Variants in CMC1 observed in about 807,000 individuals in gnomAD.
The protein encoded by CMC1 is COX assembly mitochondrial protein homolog.
In CMC1, 14 loss-of-function variants were observed where a neutral mutation model predicts 14.1. The ratio of observed to expected loss-of-function variants is 0.99; its 90% CI spans 0.66 to 1.55. CMC1 has a LOEUF of 1.55. Among genes scored for constraint, CMC1 ranks in the 40% most tolerant of loss-of-function variants. The pLI is 0.00. For synonymous variants in CMC1, 50 were observed against 38.4 expected (o/e 1.30, Z -1.12); for missense variants, 127 against 123.8 (o/e 1.03, Z -0.12).
chr3:28,258,874 C>T (rs1430453918), intron 1 of CMC1, among the ~76,000 whole-genome samples: 6 of 151,930 alleles, frequency 3.9e-5, no homozygotes, highest in East Asian at 1.9e-4. Flanking sequence ...CCGCCCGCCT[C>T]GGCCTCCCAA....
At chr3:28,291,197 T>G (rs1701453795) in intron 2 of CMC1, among the ~76,000 whole-genome samples, 1 of 152,106 alleles carries the variant, frequency 6.6e-6, no homozygotes, top group South Asian at 2.1e-4. Flanking sequence ...ATTACCATAC[T>G]CTTGGTTAGA....
At chr3:28,257,738 C>T (rs769986984) in intron 1 of CMC1, among the ~76,000 whole-genome samples, 1 of 151,996 alleles carries the variant, frequency 6.6e-6, no homozygotes, top group African/African-American at 2.4e-5. Flanking sequence ...AGGATGGTCT[C>T]GATCTCTTGA....
chr3:28,290,503 C>G (rs1202875433), intron 2 of CMC1, among the ~76,000 whole-genome samples: 1 of 152,102 alleles, frequency 6.6e-6, no homozygotes, highest in Non-Finnish European at 1.5e-5. Context: ...ATCCCCACCC[C>G]ACCTTGCAAT....
chr3:28,265,821 A>G (rs1424714180), intron 2 of CMC1, among the ~76,000 whole-genome samples: 2 of 152,196 alleles, frequency 1.3e-5, no homozygotes, highest in African/African-American at 2.4e-5. Context: ...GCATTTAACT[A>G]AGAGTTTGGC....
At chr3:28,261,896 G>T (rs573299120) in intron 1 of CMC1, among the ~76,000 whole-genome samples, 4 of 152,226 alleles carry the variant, frequency 2.6e-5, no homozygotes, top group Admixed American at 2.6e-4. Flanking sequence ...ATCTGCATTT[G>T]GTTGGATAAT....
chr3:28,318,848 G>A (rs1703064526), intron 3 of CMC1: 1 of 158,220 alleles, frequency 6.3e-6, no homozygotes, highest in Non-Finnish European at 1.4e-5. Flanking sequence ...CATGTTGTCA[G>A]ATTCATCCAA....
intron 1 of CMC1, among the ~76,000 whole-genome samples, chr3:28,247,288 G>A (rs1698874860): frequency 6.6e-6 from 1 of 151,964 alleles, no homozygotes; most frequent in South Asian, 2.1e-4. Flanking sequence ...CATGTAATTT[G>A]GGTGGTTTAT....
At chr3:28,284,343 T>TA (rs1311387048) in intron 2 of CMC1, among the ~76,000 whole-genome samples, 4 of 152,202 alleles carry the variant, frequency 2.6e-5, no homozygotes, top group African/African-American at 9.7e-5. Flanking sequence ...GTCATATTCT[T>TA]AGAGTAGAAC....
chr3:28,313,609 C>G (rs910952734), intron 2 of CMC1, among the ~76,000 whole-genome samples: 2 of 152,110 alleles, frequency 1.3e-5, no homozygotes, highest in African/African-American at 2.4e-5. Context: ...TGTTGCTAAA[C>G]AAGTGACAAA....
chr3:28,324,231 A>G lies in CMC1; in HGVS notation c.*4602A>G, dbSNP rs761261914. 22 of 1,610,332 alleles carry G rather than the reference A, an allele frequency of 1.4e-5. No individual in the cohort carries two copies. In the Admixed American group the frequency reaches 3.7e-4, roughly 27 times the overall value. On this transcript the variant is annotated 3_prime_UTR_variant, in exon 4 of 4. Coordinates refer to ENST00000466830, the MANE Select transcript of CMC1 (RefSeq NM_182523.2). Reference sequence around the variant, plus strand: ...AAGAACTGTGTTCCTGAAAGCATGTACCATCATTAGGAATGGATCTCTCAT... The same window carrying G: ...AAGAACTGTGTTCCTGAAAGCATGTGCCATCATTAGGAATGGATCTCTCAT...
chr3:28,296,560 G>A (rs1325400765), intron 2 of CMC1, among the ~76,000 whole-genome samples: 1 of 151,882 alleles, frequency 6.6e-6, no homozygotes, highest in Non-Finnish European at 1.5e-5. Context: ...GACTGTGACA[G>A]CCACTTTCTT....
intron 1 of CMC1, among the ~76,000 whole-genome samples, chr3:28,262,019 T>C (rs1019454776): frequency 6.6e-6 from 1 of 152,148 alleles, no homozygotes; most frequent in Admixed American, 6.5e-5. Context: ...GCATTTTAGT[T>C]CCTATATATC....
intron 2 of CMC1, among the ~76,000 whole-genome samples, chr3:28,272,784 A>T (rs1218830173): frequency 6.6e-6 from 1 of 152,004 alleles, no homozygotes; most frequent in African/African-American, 2.4e-5. Context: ...CCCAGGTTCA[A>T]TCGATTATCC....
At chr3:28,282,967 C>T (rs893051846) in intron 2 of CMC1, among the ~76,000 whole-genome samples, 3 of 152,146 alleles carry the variant, frequency 2.0e-5, no homozygotes, top group Non-Finnish European at 4.4e-5. Context: ...TGTAAGATTT[C>T]CAGGTCATCA....
At chr3:28,296,318 T>A (rs978016680) in intron 2 of CMC1, among the ~76,000 whole-genome samples, 3 of 152,102 alleles carry the variant, frequency 2.0e-5, no homozygotes, top group African/African-American at 4.8e-5. Context: ...ATTAAAAAAA[T>A]ATGATTCTTT....
chr3:28,244,587 G>A (rs1698708582), intron 1 of CMC1, among the ~76,000 whole-genome samples: 1 of 152,158 alleles, frequency 6.6e-6, no homozygotes, highest in African/African-American at 2.4e-5. Context: ...AATTTAGCCA[G>A]GCATGGTGGC....
rs140114780 is a variant in CMC1, at chr3:28,290,409, C to T, written c.110-25924C>T. ...TATTGTCAGGTCGTATTTTCTGTAC[C>T]TCAGAACTTTGTAGATACACATTGC... On this transcript the variant is annotated intron_variant, in intron 2 of 3. Coordinates refer to ENST00000466830, the MANE Select transcript of CMC1 (RefSeq NM_182523.2). Among the ~76,000 whole-genome samples, 250 of 152,184 alleles carry T rather than the reference C, an allele frequency of 1.6e-3. 3 individuals carry two copies. Among genetic ancestry groups the T allele is most frequent in the African/African-American group, 5.6e-3 (233 of 41,528 alleles).
At chr3:28,276,235 A>G (rs981628027) in intron 2 of CMC1, among the ~76,000 whole-genome samples, 1 of 152,114 alleles carries the variant, frequency 6.6e-6, no homozygotes, top group Non-Finnish European at 1.5e-5. Context: ...CTAGTCAGCC[A>G]TCTTGGCCCC....
At chr3:28,272,934 C>G (rs1700372962) in intron 2 of CMC1, among the ~76,000 whole-genome samples, 1 of 152,160 alleles carries the variant, frequency 6.6e-6, no homozygotes, top group Admixed American at 6.5e-5. Context: ...ATCTGCCCAC[C>G]TTGGCCTCCC....
Sources: gnomAD v4.1 joint callset for allele counts (sites outside exome capture counted in the v4.1 genomes callset) on GRCh38, gnomAD v4.1.1 for gene constraint, MANE v1.5 for transcripts, NCBI Gene and HGNC (gene_info 2026-07-23, HGNC 2026-07-21) for gene names.